Variants in MBOAT7 observed in about 807,000 individuals in gnomAD.
The protein encoded by MBOAT7 is membrane bound acylglycerophosphatidylinositol O-acyltransferase MBOAT7.
In MBOAT7, 40 loss-of-function variants were observed where a neutral mutation model predicts 47.4. The observed-to-expected ratio is 0.84, with a 90% CI of 0.66 to 1.10. The LOEUF (loss-of-function observed/expected upper bound fraction) is 1.10, where lower values mean the gene tolerates loss of function less well. Among genes scored for constraint, MBOAT7 ranks in the 50% least tolerant of loss-of-function variants. The pLI is 0.00. For missense variants in MBOAT7, 680 were observed against 655.6 expected, an observed-to-expected ratio of 1.04 and a Z score of -0.41; for synonymous variants, 361 against 292.0, an observed-to-expected ratio of 1.24 and a Z score of -2.41.
rs574962581 is a variant in MBOAT7, at chr19:54,175,993, G to C, written c.1032-1562C>G. Among the ~76,000 whole-genome samples the C allele has an allele frequency of 3.3e-5, 5 of 152,196 alleles. No homozygotes were observed. In the South Asian group the frequency reaches 1.0e-3, roughly 31 times the overall value. On this transcript the variant is annotated intron_variant, in intron 7 of 7. Transcript: ENST00000245615. ...CCGCCGTGGCCTACCAAAGTGCTGG[G>C]ATTACAGGCGTGAGCCACTGCACCC...
At chr19:54,185,105 G>A (rs2076395764) in intron 4 of MBOAT7, among the ~76,000 whole-genome samples, 1 of 151,814 alleles carries the variant, frequency 6.6e-6, no homozygotes, top group South Asian at 2.1e-4. Context: ...AGCTACTCGA[G>A]AGGCTGAGGC....
At chr19:54,185,155 A>T (rs2076397108) in intron 4 of MBOAT7, among the ~76,000 whole-genome samples, 1 of 152,126 alleles carries the variant, frequency 6.6e-6, no homozygotes, top group East Asian at 1.9e-4. Context: ...GGTTGCAGTG[A>T]GATCACACCA....
In MBOAT7 at chr19:54,175,128, A is replaced by G. The variant is rs576047840; in HGVS notation, c.1032-697T>C. 7.9e-5 allele frequency among the ~76,000 whole-genome samples: 12 copies of G among 152,144 alleles called. No individual in the cohort carries two copies. The East Asian group carries it at 2.1e-3, about 27-fold the overall frequency. On this transcript the variant is annotated intron_variant, in intron 7 of 7. Coordinates refer to ENST00000245615, the MANE Select transcript of MBOAT7 (RefSeq NM_024298.5). Reference sequence around the variant, plus strand: ...GTAGCTGGGACTACAGGCGCCTGCCACCACGCCCGGCTAATTTTCTTTTCT... The same window carrying G: ...GTAGCTGGGACTACAGGCGCCTGCCGCCACGCCCGGCTAATTTTCTTTTCT...
intron 4 of MBOAT7, among the ~76,000 whole-genome samples, chr19:54,184,157 CTCTCTTTTTTTTTT>C (rs1186978386): frequency 3.6e-5 from 5 of 137,346 alleles, no homozygotes; most frequent in Non-Finnish European, 7.8e-5. Flanking sequence ...TTTAATCTCT[CTCTCTTTTTTTTTT>C]TTTTTTTTTT....
intron 4 of MBOAT7, among the ~76,000 whole-genome samples, chr19:54,184,904 CA>C (rs71195748): frequency 0.05 from 4,388 of 88,360 alleles, 216 homozygotes; most frequent in African/African-American, 0.16. Flanking sequence ...AACTCCGTCT[CA>C]AAAAAAAAAA....
chr19:54,186,895 G>A (rs1418651906), intron 4 of MBOAT7: 3 of 479,682 alleles, frequency 6.3e-6, no homozygotes, highest in East Asian at 6.4e-5. Flanking sequence ...ACCCAGCTGG[G>A]CCTCTGGCAC....
Position 54,181,078 on chromosome 19 carries a change from C to T in MBOAT7, c.549G>A (p.Gly183=), listed in dbSNP as rs1376578742. The change falls in exon 6 of 8, where the codon GGG becomes GGA. Residue 183 remains glycine (G), a synonymous_variant. Coordinates refer to ENST00000245615, the MANE Select transcript of MBOAT7 (RefSeq NM_024298.5). The part of the protein sequence containing the change: ...YLDWLEQPFP[G]AVPSLRPLLR... ...GCAGGGGCCGCAGGCTGGGCACTGC[C>T]CCGGGGAAGGGCTGCTCCAGCCAGT... 2.6e-6 allele frequency: 4 copies of T among 1,526,436 alleles called. No homozygotes were observed. The Admixed American group carries it at 6.2e-5, about 23-fold the overall frequency. The allele number at this position is 1,526,436 out of a possible 1,614,324, so 94.6% of individuals were successfully genotyped here. A position where few individuals can be genotyped will look rare whatever the true frequency, so the allele number is the denominator to read the frequency against.
intron 7 of MBOAT7, among the ~76,000 whole-genome samples, chr19:54,176,072 G>C (rs1318807881): frequency 6.6e-6 from 1 of 151,862 alleles, no homozygotes; most frequent in South Asian, 2.1e-4. Context: ...GGCCAGGATG[G>C]TCTCGATCTC....
At chr19:54,179,992 TC>T (rs1209896539) in intron 6 of MBOAT7, 1 of 151,958 alleles carries the variant, frequency 6.6e-6, no homozygotes, top group African/African-American at 2.4e-5. Context: ...CACAAGAGAG[TC>T]CACAGCTATG....
intron 7 of MBOAT7, 93 bp from the exon 8 acceptor site, chr19:54,174,524 C>A: frequency 7.6e-7 from 1 of 1,320,146 alleles, no homozygotes; most frequent in Non-Finnish European, 1.0e-6. Context: ...AGCCCCTCCT[C>A]CCTCAGACCG....
intron 5 of MBOAT7, among the ~76,000 whole-genome samples, chr19:54,182,389 G>A (rs2076311801): frequency 1.3e-5 from 2 of 152,116 alleles, no homozygotes; most frequent in African/African-American, 4.8e-5. Context: ...GTGGGATGAT[G>A]GACATGGGGT....
chr19:54,175,173 T>C (rs908569352), intron 7 of MBOAT7, among the ~76,000 whole-genome samples: 6 of 152,066 alleles, frequency 3.9e-5, no homozygotes, highest in South Asian at 2.1e-4. Context: ...AGAGACGGGG[T>C]TTCACCGTGT....
chr19:54,184,267 C>G (rs979262772), intron 4 of MBOAT7, among the ~76,000 whole-genome samples: 1 of 149,616 alleles, frequency 6.7e-6, no homozygotes, highest in Non-Finnish European at 1.5e-5. Flanking sequence ...GGGGCGCAAG[C>G]AATTCTCATG....
intron 4 of MBOAT7, 67 bp from the exon 5 acceptor site, chr19:54,183,747 T>A: frequency 7.0e-7 from 1 of 1,437,490 alleles, no homozygotes; most frequent in Non-Finnish European, 9.1e-7. Context: ...CCATCTCCCT[T>A]GCGCGGCTGC....
intron 7 of MBOAT7, among the ~76,000 whole-genome samples, chr19:54,175,820 G>A (rs1309039628): frequency 5.3e-5 from 8 of 152,140 alleles, no homozygotes; most frequent in Non-Finnish European, 8.8e-5. Context: ...TGCCTCCTGG[G>A]TTCAAGTGAT....
chr19:54,182,254 AC>A (rs771765338), intron 5 of MBOAT7, among the ~76,000 whole-genome samples: 2 of 152,026 alleles, frequency 1.3e-5, no homozygotes, highest in African/African-American at 4.8e-5. Flanking sequence ...GAAAAAAAAA[AC>A]AAATTAAAAT....
intron 4 of MBOAT7, among the ~76,000 whole-genome samples, chr19:54,186,573 C>T (rs116169826): frequency 3.0e-4 from 45 of 152,304 alleles, no homozygotes; most frequent in African/African-American, 9.1e-4. Context: ...TGCTCCTCCA[C>T]GAACCCCTCT....
At chr19:54,183,906 G>A (rs2044403811) in intron 4 of MBOAT7, among the ~76,000 whole-genome samples, 2 of 152,092 alleles carry the variant, frequency 1.3e-5, no homozygotes, top group South Asian at 2.1e-4. Flanking sequence ...ACGCAATCAC[G>A]GAGGTTTCGA....
At chr19:54,185,847 C>T (rs763221186) in intron 4 of MBOAT7, among the ~76,000 whole-genome samples, 21 of 151,560 alleles carry the variant, frequency 1.4e-4, no homozygotes, top group Non-Finnish European at 2.9e-4. Context: ...AGGTGTGAGC[C>T]ACCACACCCG....
Sources: gnomAD v4.1 joint callset for allele counts (sites outside exome capture counted in the v4.1 genomes callset) on GRCh38, gnomAD v4.1.1 for gene constraint, MANE v1.5 for transcripts, NCBI Gene and HGNC (gene_info 2026-07-23, HGNC 2026-07-21) for gene names.